MYBPC1: variants seen among roughly 807,000 people sequenced by gnomAD.
MYBPC1 encodes the protein myosin-binding protein C, slow-type.
MYBPC1 carries 52 observed loss-of-function variants against 147.1 expected under a neutral mutation model. That is an observed-to-expected ratio of 0.35 (90% CI 0.28 to 0.45). The LOEUF (loss-of-function observed/expected upper bound fraction) is 0.45. MYBPC1 is among the 20% of genes least tolerant of loss of function. The pLI, the probability that MYBPC1 is intolerant of heterozygous loss-of-function variation, is 1.00. For synonymous variants in MYBPC1, 477 were observed against 475.9 expected (o/e 1.00, Z -0.03); for missense variants, 1,228 against 1,440.3 (o/e 0.85, Z 2.39).
chr12:101,661,111 A>C, intron 19 of MYBPC1, 47 bp from the exon 20 acceptor site: 5 of 1,249,324 alleles, frequency 4.0e-6, no homozygotes, highest in South Asian at 1.3e-5. Flanking sequence ...TTTTTTTTCT[A>C]CTCCCTCTTC....
chr12:101,662,562 T>C lies in MYBPC1; in HGVS notation c.2221+16T>C. ...GTTCCTTTGGGTAAGTCAAGAGAGATGAGTCTTTGTCATCAGAATCATTGC... is the reference window on the plus strand; with the variant it reads ...GTTCCTTTGGGTAAGTCAAGAGAGACGAGTCTTTGTCATCAGAATCATTGC... On this transcript the variant is annotated intron_variant, in intron 21 of 31. Transcript: ENST00000361466. 2 of 1,612,608 alleles carry C rather than the reference T, an allele frequency of 1.2e-6. No homozygotes were observed.
rs1238175811 is a variant in MYBPC1, at chr12:101,632,153, T to C, written c.556+15T>C. 6.5e-7 allele frequency: 1 copy of C among 1,546,240 alleles called. No homozygotes were observed. The highest frequency in any genetic ancestry group is 8.9e-7 in the Non-Finnish European group (1 of 1,118,184). ...TGAAGTGCACGGTAAGAGAGCCTTC[T>C]TGCCTAGATAAATGTAATTTTTTAA... On this transcript the variant is annotated intron_variant, in intron 8 of 31. Transcript: ENST00000361466.
intron 8 of MYBPC1, among the ~76,000 whole-genome samples, chr12:101,633,527 A>T (rs951430351): frequency 2.0e-5 from 3 of 151,824 alleles, no homozygotes; most frequent in African/African-American, 7.3e-5. Flanking sequence ...TCTCTACTAG[A>T]AATACAAAAA....
intron 1 of MYBPC1, among the ~76,000 whole-genome samples, chr12:101,598,618 G>T (rs557832617): frequency 6.6e-6 from 1 of 151,988 alleles, no homozygotes; most frequent in Non-Finnish European, 1.5e-5. Flanking sequence ...CTGTCACCCA[G>T]GCTGGAATGC....
intron 3 of MYBPC1, among the ~76,000 whole-genome samples, chr12:101,626,279 A>G (rs1250015488): frequency 6.6e-6 from 1 of 152,148 alleles, no homozygotes; most frequent in African/African-American, 2.4e-5. Flanking sequence ...TTTGAATTTC[A>G]CAAATACATA....
intron 8 of MYBPC1, among the ~76,000 whole-genome samples, chr12:101,632,392 A>G (rs573885139): frequency 9.8e-5 from 15 of 152,332 alleles, no homozygotes; most frequent in Middle Eastern, 3.4e-3. Context: ...TCTCCCAGAT[A>G]AAAGATGATG....
At chr12:101,670,220 C>A in intron 23 of MYBPC1, 101 bp from the exon 24 acceptor site, 1 of 910,694 alleles carries the variant, frequency 1.1e-6, no homozygotes, top group Admixed American at 1.7e-5. Flanking sequence ...CAGAGATATG[C>A]CACAAGGGTA....
chr12:101,605,454 T>C (rs1401316399), intron 1 of MYBPC1, among the ~76,000 whole-genome samples: 1 of 152,236 alleles, frequency 6.6e-6, no homozygotes, highest in African/African-American at 2.4e-5. Flanking sequence ...TTAACAATTA[T>C]TGAATAAACT....
chr12:101,610,043 G>A (rs1050887387), intron 1 of MYBPC1, among the ~76,000 whole-genome samples: 3 of 152,308 alleles, frequency 2.0e-5, no homozygotes, highest in Non-Finnish European at 4.4e-5. Flanking sequence ...TAGAGCGAGA[G>A]AGATGCATGA....
chr12:101,683,376 T>C (rs543118752), intron 30 of MYBPC1, among the ~76,000 whole-genome samples: 1 of 152,192 alleles, frequency 6.6e-6, no homozygotes, highest in South Asian at 2.1e-4. Flanking sequence ...GAGGCTTCAG[T>C]GAGCCAAGAT....
At chr12:101,671,991 A>G (rs1187489275) in intron 24 of MYBPC1, among the ~76,000 whole-genome samples, 2 of 152,346 alleles carry the variant, frequency 1.3e-5, no homozygotes, top group East Asian at 3.9e-4. Context: ...CTGAAAGGGA[A>G]GTTAAGTGAC....
At chr12:101,695,810 G>A in the MYBPC1 span, among the ~76,000 whole-genome samples, 3 of 152,118 alleles carry the variant, frequency 2.0e-5, no homozygotes, top group Admixed American at 1.3e-4. Context: ...TCTTTTATGT[G>A]AGAGAGAAAT....
chr12:101,671,037 A>T (rs975903568), intron 24 of MYBPC1, among the ~76,000 whole-genome samples: 1 of 151,680 alleles, frequency 6.6e-6, no homozygotes, highest in Non-Finnish European at 1.5e-5. Flanking sequence ...CTCCCTATTC[A>T]TATGACACCT....
At chr12:101,677,190 AC>A in intron 26 of MYBPC1, 44 bp from the exon 27 acceptor site, 1 of 1,578,766 alleles carries the variant, frequency 6.3e-7, no homozygotes. Flanking sequence ...AAAATTGTAT[AC>A]TTTTAGGTGA....
chr12:101,632,114 T>G lies in MYBPC1; in HGVS notation c.532T>G (p.Cys178Gly). Residue 178 changes from cysteine (C) to glycine (G), a missense_variant, in exon 8 of 32, where the codon TGT becomes GGT. Around this residue, in one of 2 missense-constraint regions of MYBPC1, gnomAD observed 1,077 missense variants for 1,314.2 expected, o/e 0.82. Transcript: ENST00000361466. ...CACCTATAAGGATAAGTTTGACAGC[T>G]GTTCATTTGATCTTGAAGTGCACGG... ...EVTYKDKFDS[C>G]SFDLEVHEST... 6.2e-7 allele frequency: 1 copy of G among 1,613,004 alleles called. No homozygotes were observed. Among genetic ancestry groups the G allele is most frequent in the Non-Finnish European group, 8.5e-7 (1 of 1,178,918 alleles).
At chr12:101,666,912 CACACACACACACACACAT>C (rs1897574057) in intron 22 of MYBPC1, 17 of 591,588 alleles carry the variant, frequency 2.9e-5, no homozygotes, top group Non-Finnish European at 4.6e-5. Flanking sequence ...CACACACACA[CACACACACACACACACAT>C]ACACACACAC....
intron 14 of MYBPC1, among the ~76,000 whole-genome samples, chr12:101,648,852 G>C (rs1368164339): frequency 6.6e-6 from 1 of 152,132 alleles, no homozygotes; most frequent in African/African-American, 2.4e-5. Flanking sequence ...ATGTTGAAAG[G>C]TACAGTAAAT....
chr12:101,656,936 A>G (rs369707340), intron 18 of MYBPC1, among the ~76,000 whole-genome samples: 2 of 152,310 alleles, frequency 1.3e-5, no homozygotes, highest in East Asian at 3.9e-4. Context: ...ACCAAAATAG[A>G]ACACATTCTA....
At chr12:101,688,966 AAAG>A (rs201159861), downstream of MYBPC1, among the ~76,000 whole-genome samples, 61,567 of 129,160 alleles carry the variant, frequency 0.48, 13,774 homozygotes, top group Admixed American at 0.55. Context: ...AAAAAAAAAA[AAAG>A]AAAAAGAAAA....
Sources: allele counts gnomAD v4.1 joint callset (sites outside exome capture counted in the v4.1 genomes callset), GRCh38; gene constraint gnomAD v4.1.1; regional missense constraint gnomAD v4.1.1; transcripts MANE v1.5; gene names NCBI Gene and HGNC (gene_info 2026-07-23, HGNC 2026-07-21).